PCDH15: variants seen among roughly 807,000 people sequenced by gnomAD.
PCDH15 encodes protocadherin-15.
In PCDH15, 129 loss-of-function variants were observed where a neutral mutation model predicts 178.5. The ratio of observed to expected loss-of-function variants is 0.72; its 90% confidence interval spans 0.63 to 0.84. The LOEUF is 0.84. Among genes scored for constraint, PCDH15 ranks in the 40% least tolerant of loss-of-function variants. The pLI is 0.00. For missense variants in PCDH15, 2,230 were observed against 2,099.9 expected (o/e 1.06, Z -1.21); for synonymous variants, 800 against 732.0 (o/e 1.09, Z -1.50).
chr10:55,020,340 A>C (rs996418564), intron 2 of PCDH15, among the ~76,000 whole-genome samples: 1 of 151,762 alleles, frequency 6.6e-6, no homozygotes, highest in African/African-American at 2.4e-5. Flanking sequence ...CACAGAGTGT[A>C]GTAAATGCTG....
At chr10:54,471,908 A>G (rs1051992527) in intron 3 of PCDH15, among the ~76,000 whole-genome samples, 12 of 152,136 alleles carry the variant, frequency 7.9e-5, no homozygotes, top group African/African-American at 2.9e-4. Flanking sequence ...GTAATTATAC[A>G]TATTTTGAGT....
At chr10:55,279,527 C>T (rs1842675856) in intron 1 of PCDH15, among the ~76,000 whole-genome samples, 1 of 152,148 alleles carries the variant, frequency 6.6e-6, no homozygotes, top group Non-Finnish European at 1.5e-5. Context: ...TACACAGGGT[C>T]CACACTTAGA....
chr10:54,298,905 A>T (rs944921221), intron 8 of PCDH15, among the ~76,000 whole-genome samples: 3 of 152,244 alleles, frequency 2.0e-5, no homozygotes, highest in African/African-American at 7.2e-5. Flanking sequence ...TTTGCTACAG[A>T]TAGTAAGTAT....
rs371191414 is a variant in PCDH15 at position 53,808,940 on chromosome 10, C to T, written c.4671+1616G>A. The T allele has an allele frequency of 1.5e-4, 238 of 1,561,878 alleles. No individual in the cohort carries two copies. The highest frequency in any genetic ancestry group is 1.9e-4 in the Non-Finnish European group (219 of 1,152,822). On this transcript the variant is annotated intron_variant, in intron 37 of 37. Coordinates refer to ENST00000644397, the MANE Select transcript of PCDH15 (RefSeq NM_001384140.1). ...GGGTCTGTACTTTCTTCCACAGGGGCTGGTCCACTTTCTTCTTCTTCTGAG... is the reference window on the plus strand; with the variant it reads ...GGGTCTGTACTTTCTTCCACAGGGGTTGGTCCACTTTCTTCTTCTTCTGAG...
intron 5 of PCDH15, among the ~76,000 whole-genome samples, chr10:54,356,557 A>C (rs1945013481): frequency 1.3e-5 from 2 of 151,830 alleles, no homozygotes; most frequent in African/African-American, 4.8e-5. Context: ...ATACTTATAT[A>C]TACATATAAT....
intron 2 of PCDH15, among the ~76,000 whole-genome samples, chr10:55,542,299 A>C (rs1444506265): frequency 6.6e-6 from 1 of 151,094 alleles, no homozygotes. Context: ...ACATATGTAC[A>C]ATATGTCCAT....
intron 6 of PCDH15, among the ~76,000 whole-genome samples, chr10:54,340,326 G>C (rs1256714715): frequency 6.6e-6 from 1 of 151,922 alleles, no homozygotes; most frequent in Non-Finnish European, 1.5e-5. Context: ...CAACAGCAGG[G>C]GCAGAGAATA....
intron 3 of PCDH15, among the ~76,000 whole-genome samples, chr10:54,520,929 C>T (rs116515440): frequency 0.024 from 3,616 of 151,128 alleles, 135 homozygotes; most frequent in African/African-American, 0.081. Flanking sequence ...ACGGATGAAA[C>T]GAAAACATCA....
chr10:55,010,745 A>T (rs114319913), intron 2 of PCDH15, among the ~76,000 whole-genome samples: 105 of 152,278 alleles, frequency 6.9e-4, no homozygotes, highest in African/African-American at 2.4e-3. Context: ...CATAATATTG[A>T]TAAAATGATT....
At chr10:54,131,492 A>T (rs1355209040) in intron 15 of PCDH15, among the ~76,000 whole-genome samples, 2 of 151,872 alleles carry the variant, frequency 1.3e-5, no homozygotes, top group African/African-American at 4.8e-5. Flanking sequence ...TTTTCCTCCT[A>T]AAGAGACTGT....
intron 3 of PCDH15, among the ~76,000 whole-genome samples, chr10:54,514,650 G>T (rs544899460): frequency 7.0e-6 from 1 of 143,078 alleles, no homozygotes; most frequent in Non-Finnish European, 1.5e-5. Context: ...TTTTCTCCTG[G>T]GATTCAAAAT....
intron 3 of PCDH15, among the ~76,000 whole-genome samples, chr10:54,817,514 G>C (rs1952967068): frequency 6.6e-6 from 1 of 151,942 alleles, no homozygotes; most frequent in Non-Finnish European, 1.5e-5. Flanking sequence ...AAATGAAAGA[G>C]AATTCCTGTG....
At chr10:55,181,573 T>C (rs923747867) in intron 1 of PCDH15, among the ~76,000 whole-genome samples, 1 of 151,998 alleles carries the variant, frequency 6.6e-6, no homozygotes, top group East Asian at 1.9e-4. Flanking sequence ...AGGACTATTT[T>C]AAATTTATTG....
At chr10:53,895,927 T>C (rs537236236) in intron 26 of PCDH15, among the ~76,000 whole-genome samples, 4 of 152,276 alleles carry the variant, frequency 2.6e-5, no homozygotes, top group Non-Finnish European at 5.9e-5. Flanking sequence ...AGAAAAGTTC[T>C]TGAACTGAGG....
At chr10:53,879,582 ATAATT>A (rs1341078985) in intron 26 of PCDH15, among the ~76,000 whole-genome samples, 3 of 152,240 alleles carry the variant, frequency 2.0e-5, no homozygotes, top group African/African-American at 7.2e-5. Context: ...CCATTCATAA[ATAATT>A]TAAGTATAGG....
chr10:54,757,046 G>A (rs1242020987), intron 1 of PCDH15, among the ~76,000 whole-genome samples: 2 of 152,160 alleles, frequency 1.3e-5, no homozygotes, highest in East Asian at 3.9e-4. Flanking sequence ...AAACATGATA[G>A]TAAATGTCTT....
chr10:55,592,232 A>G (rs942120031), intron 2 of PCDH15, among the ~76,000 whole-genome samples: 3 of 152,140 alleles, frequency 2.0e-5, no homozygotes, highest in South Asian at 2.1e-4. Context: ...GCTGAAATAT[A>G]CAATGTATTA....
chr10:53,932,964 C>G (rs1362816820), intron 25 of PCDH15, among the ~76,000 whole-genome samples: 1 of 151,966 alleles, frequency 6.6e-6, no homozygotes, highest in African/African-American at 2.4e-5. Flanking sequence ...GCACCTTCCC[C>G]CACCACTCTC....
chr10:54,032,380 C>A (rs1046624099), intron 18 of PCDH15, among the ~76,000 whole-genome samples: 3 of 151,810 alleles, frequency 2.0e-5, no homozygotes, highest in African/African-American at 7.3e-5. Context: ...ATTAAGAATT[C>A]ATAAGGACAG....
Sources: allele counts gnomAD v4.1 joint callset (sites outside exome capture counted in the v4.1 genomes callset), GRCh38; gene constraint gnomAD v4.1.1; transcripts MANE v1.5; gene names NCBI Gene and HGNC (gene_info 2026-07-23, HGNC 2026-07-21).